INO80: variants seen among roughly 807,000 people sequenced by gnomAD.
The protein encoded by INO80 is INO80 complex ATPase subunit.
Under a neutral mutation model 203.4 loss-of-function variants are expected in INO80, and 20 were observed. The ratio of observed to expected loss-of-function variants is 0.10; its 90% CI spans 0.07 to 0.14. The LOEUF (loss-of-function observed/expected upper bound fraction) is 0.14, where lower values mean the gene tolerates loss of function less well. INO80 is among the 10% of genes least tolerant of loss of function. The probability of loss-of-function intolerance (pLI) is 1.00; values close to 1 mark genes in which losing one functional copy is unlikely to be tolerated. For missense variants in INO80, 1,419 were observed against 1,914.4 expected, an observed-to-expected ratio of 0.74 and a Z score of 4.83; for synonymous variants, 726 against 685.2, an observed-to-expected ratio of 1.06 and a Z score of -0.93.
chr15:41,015,989 T>TG, intron 27 of INO80, 99 bp downstream of exon 27: 1 of 923,884 alleles, frequency 1.1e-6, no homozygotes, highest in Non-Finnish European at 1.6e-6. Flanking sequence ...AAGGGAGTTT[T>TG]GGGGCTCCCA....
In INO80 at chr15:41,068,768, G is replaced by C. The variant is rs531918337; in HGVS notation, c.1782+802C>G. ...CCAGTTACTCAGGAGGCTGAGGCAG[G>C]AGGATTGCTTGAACCTGGGAGATGG... is the stretch of plus-strand genomic sequence containing the variant. On this transcript the variant is annotated intron_variant, in intron 14 of 35. Transcript: ENST00000648947. Among the ~76,000 whole-genome samples the C allele has an allele frequency of 2.6e-5, 4 of 152,296 alleles. No homozygotes were observed. In the South Asian group the frequency reaches 8.3e-4, roughly 32 times the overall value.
In INO80 at chr15:41,020,981, G is replaced by C. The variant is rs2044285566; in HGVS notation, c.3193C>G (p.Arg1065Gly). The C allele has an allele frequency of 1.2e-6, 2 of 1,614,110 alleles. No individual in the cohort carries two copies. Among genetic ancestry groups the C allele is most frequent in the Non-Finnish European group, 1.7e-6 (2 of 1,179,982 alleles). Reference sequence around the variant, plus strand: ...GCTGGCTCTGGGAAGAACTGTGATCGTCTATTTAGCCAGTCTGCAGCCAGT... The same window carrying C: ...GCTGGCTCTGGGAAGAACTGTGATCCTCTATTTAGCCAGTCTGCAGCCAGT... Reference protein sequence around the residue: ...PELAADWLNRRSQFFPEPAGG... With the variant: ...PELAADWLNRGSQFFPEPAGG... The change falls in exon 26 of 36, where the codon CGA (arginine) becomes GGA (glycine). Residue 1065 changes from arginine to glycine, a missense_variant. Physicochemically the swap from Arg to Gly is moderately radical, Grantham distance 125. Transcript: ENST00000648947.
At chr15:41,047,684 A>G (rs2044793033) in intron 22 of INO80, among the ~76,000 whole-genome samples, 183 bp from the exon 23 acceptor site, 1 of 152,212 alleles carries the variant, frequency 6.6e-6, no homozygotes, top group Non-Finnish European at 1.5e-5. Context: ...TAAGAGAGGC[A>G]GGCCTATGAG....
intron 1 of INO80, among the ~76,000 whole-genome samples, chr15:41,101,948 T>C (rs932805732): frequency 2.0e-5 from 3 of 151,958 alleles, no homozygotes; most frequent in African/African-American, 7.2e-5. Context: ...TCCCAGCACT[T>C]TGGGAGGCTG....
intron 4 of INO80, among the ~76,000 whole-genome samples, chr15:41,093,410 G>A (rs1207032427): frequency 6.6e-6 from 1 of 151,934 alleles, no homozygotes; most frequent in Non-Finnish European, 1.5e-5. Flanking sequence ...GGGCGACAGA[G>A]CAAGACTCCG....
intron 27 of INO80, chr15:41,013,104 C>CA (rs369088968): frequency 0.066 from 9,944 of 150,440 alleles, 389 homozygotes; most frequent in African/African-American, 0.083. Context: ...CAACAACAAC[C>CA]ACCACAACAA....
At chr15:41,093,263 A>G (rs909116393) in intron 4 of INO80, among the ~76,000 whole-genome samples, 2 of 151,840 alleles carry the variant, frequency 1.3e-5, no homozygotes, top group Non-Finnish European at 2.9e-5. Flanking sequence ...TGTCTCTACT[A>G]AAAATACAAA....
chr15:41,003,079 C>A (rs2043983551), intron 28 of INO80, among the ~76,000 whole-genome samples: 1 of 151,886 alleles, frequency 6.6e-6, no homozygotes. Flanking sequence ...AAGATCACGC[C>A]ACTGCACTCC....
intron 17 of INO80, among the ~76,000 whole-genome samples, chr15:41,056,319 TAACA>T (rs750140100): frequency 3.9e-5 from 6 of 152,168 alleles, no homozygotes; most frequent in Non-Finnish European, 7.3e-5. Flanking sequence ...CCCTCTGTGT[TAACA>T]AATATTACAT....
At chr15:41,072,110 T>TACATGAAA (rs1311808146) in intron 11 of INO80, 52 bp from the exon 12 acceptor site, 2 of 1,227,214 alleles carry the variant, frequency 1.6e-6, no homozygotes, top group Admixed American at 2.4e-5. Flanking sequence ...GGAAAAATAT[T>TACATGAAA]ACATGAAAAT....
chr15:41,068,064 T>A (rs2045250998), intron 14 of INO80, among the ~76,000 whole-genome samples: 1 of 152,196 alleles, frequency 6.6e-6, no homozygotes, highest in South Asian at 2.1e-4. Context: ...AAATCGATGT[T>A]CACATTATCT....
chr15:41,002,038 A>C (rs1011252013), intron 28 of INO80, among the ~76,000 whole-genome samples: 1 of 152,164 alleles, frequency 6.6e-6, no homozygotes, highest in Non-Finnish European at 1.5e-5. Flanking sequence ...TGAGAAATAG[A>C]TTACTTCTTT....
At chr15:41,101,466 CCT>C (rs1466187800) in intron 1 of INO80, among the ~76,000 whole-genome samples, 2 of 152,172 alleles carry the variant, frequency 1.3e-5, no homozygotes, top group African/African-American at 4.8e-5. Flanking sequence ...ATCATTCCAT[CCT>C]CTTTTATTTC....
intron 14 of INO80, among the ~76,000 whole-genome samples, chr15:41,066,759 T>C (rs2045224758): frequency 6.7e-6 from 1 of 148,430 alleles, no homozygotes; most frequent in Admixed American, 6.9e-5. Flanking sequence ...GAGGTGGAGT[T>C]CAGGGCTGCG....
intron 35 of INO80, 129 bp downstream of exon 35, chr15:40,982,733 G>A: frequency 1.4e-6 from 1 of 716,764 alleles, no homozygotes. Context: ...CAAAGAAGAA[G>A]AACCCCAATT....
intron 19 of INO80, among the ~76,000 whole-genome samples, chr15:41,053,192 G>A (rs1352575640): frequency 1.3e-5 from 2 of 151,994 alleles, no homozygotes; most frequent in Admixed American, 6.6e-5. Flanking sequence ...TGCAAGCTCC[G>A]CCTCCCAGAT....
intron 1 of INO80, among the ~76,000 whole-genome samples, chr15:41,111,382 G>C (rs2045956310): frequency 6.6e-6 from 1 of 152,168 alleles, no homozygotes; most frequent in Non-Finnish European, 1.5e-5. Flanking sequence ...GGAGGCAGAG[G>C]TTGCAGTGAG....
intron 14 of INO80, among the ~76,000 whole-genome samples, chr15:41,064,907 G>C (rs764348090): frequency 6.6e-6 from 1 of 152,022 alleles, no homozygotes; most frequent in Non-Finnish European, 1.5e-5. Context: ...TGAGGCAGAA[G>C]AACTGCTTGA....
rs1266310330 is a variant in INO80 at position 41,116,275 on chromosome 15, C to T, written c.-346G>A. Reference sequence around the variant, plus strand: ...GAGCCATGGCGGGGGGGAGGAGAGGCGCCATAGCCAGGCCAGAACAATCGA... The same window carrying T: ...GAGCCATGGCGGGGGGGAGGAGAGGTGCCATAGCCAGGCCAGAACAATCGA... On this transcript the variant is annotated 5_prime_UTR_variant, in exon 1 of 36. Transcript: ENST00000648947. 4 of 398,380 alleles carry T rather than the reference C, an allele frequency of 1.0e-5. No homozygotes were observed. The highest frequency in any genetic ancestry group is 1.8e-5 in the Non-Finnish European group (4 of 226,742). The allele number at this position is 398,380 out of a possible 1,614,324, so 24.7% of individuals were successfully genotyped here. A position where few individuals can be genotyped will look rare whatever the true frequency, so the allele number is the denominator to read the frequency against.
Sources: allele counts gnomAD v4.1 joint callset (sites outside exome capture counted in the v4.1 genomes callset), GRCh38; gene constraint gnomAD v4.1.1; transcripts MANE v1.5; gene names NCBI Gene and HGNC (gene_info 2026-07-23, HGNC 2026-07-21).